The following ANGPT1 variants were observed in gnomAD, a reference collection of about 807,000 sequenced individuals.
ANGPT1 encodes angiopoietin-1.
Under a neutral mutation model 62.2 loss-of-function variants are expected in ANGPT1, and 17 were observed. The observed-to-expected ratio is 0.27, with a 90% CI of 0.19 to 0.41. The LOEUF is 0.41. Among genes scored for constraint, ANGPT1 ranks in the 10% least tolerant of loss-of-function variants. The pLI is 1.00. For synonymous variants in ANGPT1, 199 were observed against 198.9 expected (o/e 1.00, Z 0.00); for missense variants, 478 against 594.9 (o/e 0.80, Z 2.04).
rs71308729 is a variant in ANGPT1, at chr8:107,370,700, CAAAAAAA to C, written c.298-23610_298-23604del. ...CCTGGGTGACAGAGCAAGACTCTGT[CAAAAAAA>C]AAAAAAAAAAAAAAAGAGGAAGAAG... On this transcript the variant is annotated intron_variant, in intron 1 of 8. Coordinates refer to ENST00000517746, the MANE Select transcript of ANGPT1 (RefSeq NM_001146.5). Among the ~76,000 whole-genome samples, 62 of 75,574 alleles carry C rather than the reference CAAAAAAA, an allele frequency of 8.2e-4. 1 individual carries two copies. The highest frequency in any genetic ancestry group is 2.0e-3 in the African/African-American group (38 of 19,082). 49.6% of individuals were successfully genotyped at this position (75,574 alleles called of 152,430 possible).
intron 8 of ANGPT1, among the ~76,000 whole-genome samples, chr8:107,263,510 GTTGT>G (rs969566979): frequency 8.6e-5 from 13 of 151,966 alleles, no homozygotes; most frequent in Non-Finnish European, 1.5e-4. Context: ...GTTGTTTTTT[GTTGT>G]TTGTTTGTTT....
intron 1 of ANGPT1, among the ~76,000 whole-genome samples, chr8:107,391,702 G>A (rs190247092): frequency 2.9e-4 from 44 of 152,212 alleles, no homozygotes; most frequent in African/African-American, 6.3e-4. Flanking sequence ...ATCACAGAGT[G>A]TACTTACAGA....
intron 4 of ANGPT1, among the ~76,000 whole-genome samples, chr8:107,317,287 C>T (rs1815036778): frequency 6.6e-6 from 1 of 152,110 alleles, no homozygotes; most frequent in Non-Finnish European, 1.5e-5. Flanking sequence ...AGAAACTTAC[C>T]AAATATTTGT....
intron 1 of ANGPT1, among the ~76,000 whole-genome samples, chr8:107,395,012 G>A (rs944414628): frequency 8.6e-5 from 13 of 151,962 alleles, no homozygotes; most frequent in African/African-American, 3.1e-4. Context: ...ATATCTAGAT[G>A]ATATTATAAT....
chr8:107,288,515 C>A (rs1039355126), intron 6 of ANGPT1, among the ~76,000 whole-genome samples: 1 of 151,958 alleles, frequency 6.6e-6, no homozygotes. Context: ...TAAAAAAATA[C>A]AGATGGTTAG....
intron 1 of ANGPT1, among the ~76,000 whole-genome samples, chr8:107,365,563 A>G (rs1032726259): frequency 5.9e-5 from 9 of 152,094 alleles, no homozygotes; most frequent in Non-Finnish European, 1.0e-4. Flanking sequence ...CTGTATCCTC[A>G]TCTGGGGCAT....
intron 1 of ANGPT1, among the ~76,000 whole-genome samples, chr8:107,411,549 A>T (rs1047424514): frequency 2.6e-5 from 4 of 152,200 alleles, no homozygotes; most frequent in African/African-American, 9.6e-5. Context: ...AGATATGCAG[A>T]TAGAAAAAAT....
chr8:107,463,750 T>C (rs1371166090), intron 1 of ANGPT1, among the ~76,000 whole-genome samples: 4 of 152,212 alleles, frequency 2.6e-5, no homozygotes, highest in Non-Finnish European at 5.9e-5. Context: ...TACTCATATA[T>C]AACCTTTTAA....
At chr8:107,281,201 T>G (rs1162970352) in intron 7 of ANGPT1, among the ~76,000 whole-genome samples, 2 of 152,150 alleles carry the variant, frequency 1.3e-5, no homozygotes, top group African/African-American at 4.8e-5. Flanking sequence ...AAGAGCATGA[T>G]AAATGTTTTT....
At chr8:107,334,279 G>A (rs1355757794) in intron 3 of ANGPT1, among the ~76,000 whole-genome samples, 2 of 152,120 alleles carry the variant, frequency 1.3e-5, no homozygotes, top group East Asian at 1.9e-4. Flanking sequence ...AATAAATCAG[G>A]TGGTAACATA....
intron 6 of ANGPT1, among the ~76,000 whole-genome samples, chr8:107,286,211 C>A (rs1814136441): frequency 6.6e-6 from 1 of 151,988 alleles, no homozygotes; most frequent in South Asian, 2.1e-4. Flanking sequence ...TGGTACCAAA[C>A]CCATTTATGC....
chr8:107,483,828 A>T (rs1379357219), intron 1 of ANGPT1, among the ~76,000 whole-genome samples: 1 of 152,236 alleles, frequency 6.6e-6, no homozygotes, highest in African/African-American at 2.4e-5. Flanking sequence ...GTATGCTCAT[A>T]TCAGGATAAC....
intron 7 of ANGPT1, among the ~76,000 whole-genome samples, chr8:107,283,565 A>G (rs1814067214): frequency 1.3e-5 from 2 of 152,214 alleles, no homozygotes; most frequent in African/African-American, 4.8e-5. Context: ...AAGACAAATA[A>G]GCAGCAGAAA....
intron 7 of ANGPT1, among the ~76,000 whole-genome samples, chr8:107,281,523 A>C (rs901612810): frequency 2.6e-5 from 4 of 152,176 alleles, no homozygotes; most frequent in Non-Finnish European, 4.4e-5. Flanking sequence ...TCACTCCTGT[A>C]ATCCCAGCAC....
intron 1 of ANGPT1, among the ~76,000 whole-genome samples, chr8:107,423,238 C>T (rs951549329): frequency 2.6e-5 from 4 of 152,192 alleles, no homozygotes; most frequent in African/African-American, 7.2e-5. Context: ...AGTTATTAAA[C>T]ATTTACTAGC....
At chr8:107,286,355 T>A (rs1814140489) in intron 6 of ANGPT1, among the ~76,000 whole-genome samples, 1 of 152,152 alleles carries the variant, frequency 6.6e-6, no homozygotes, top group Non-Finnish European at 1.5e-5. Context: ...TTTTTAAAAT[T>A]ACGAATTGTT....
At chr8:107,262,218 C>T (rs1813509073) in intron 8 of ANGPT1, among the ~76,000 whole-genome samples, 1 of 152,076 alleles carries the variant, frequency 6.6e-6, no homozygotes, top group African/African-American at 2.4e-5. Flanking sequence ...TCATCATCAT[C>T]CAAAACTTTC....
chr8:107,299,628 G>A (rs5011240), intron 5 of ANGPT1, among the ~76,000 whole-genome samples: 24,222 of 135,256 alleles, frequency 0.18, 2,401 homozygotes, highest in Middle Eastern at 0.29. Flanking sequence ...TCTATATATA[G>A]ATCTCTATAT....
At chr8:107,302,256 T>C (rs1188175491) in intron 5 of ANGPT1, among the ~76,000 whole-genome samples, 1 of 151,640 alleles carries the variant, frequency 6.6e-6, no homozygotes, top group Admixed American at 6.6e-5. Flanking sequence ...CCAGAGGAAA[T>C]GGGGATAAGA....
Sources: gnomAD v4.1 joint callset for allele counts (sites outside exome capture counted in the v4.1 genomes callset) on GRCh38, gnomAD v4.1.1 for gene constraint, MANE v1.5 for transcripts, NCBI Gene and HGNC (gene_info 2026-07-23, HGNC 2026-07-21) for gene names.